TTN: variants seen among roughly 807,000 people sequenced by gnomAD.
TTN encodes the protein connectin.
Under a neutral mutation model 3,223.0 loss-of-function variants are expected in TTN, and 1,525 were observed. The ratio of observed to expected loss-of-function variants is 0.47; its 90% CI spans 0.45 to 0.49. TTN has a LOEUF of 0.49. TTN is among the 20% of genes least tolerant of loss of function. The probability of loss-of-function intolerance (pLI) is 0.00; values close to 1 mark genes in which losing one functional copy is unlikely to be tolerated. For synonymous variants in TTN, 14,094 were observed against 15,161.0 expected, an observed-to-expected ratio of 0.93 and a Z score of 5.17; for missense variants, 40,786 against 43,424.0, an observed-to-expected ratio of 0.94 and a Z score of 5.40.
chr2:178,721,925 C>T lies in TTN; in HGVS notation c.22738G>A (p.Gly7580Arg), dbSNP rs1215151938. Residue 7580 changes from glycine (G) to arginine (R), a missense_variant, in exon 78 of 363, where the codon GGA (glycine) becomes AGA (arginine). By Grantham distance (125) the Gly-to-Arg change is moderately radical. Transcript: ENST00000589042. Reference protein sequence around the residue: ...PHLRILKVGKGDSGQYTCQAT... With the variant: ...PHLRILKVGKRDSGQYTCQAT... ...TGGCAAGTATATTGACCAGAGTCTC[C>T]TTTGCCTACTTTAAGAATTCTCAAA... 1.2e-6 allele frequency: 2 copies of T among 1,613,450 alleles called. No individual in the cohort carries two copies. The highest frequency in any genetic ancestry group is 1.3e-5 in the African/African-American group (1 of 74,906).
intron 46 of TTN, among the ~76,000 whole-genome samples, chr2:178,755,818 T>C (rs1278039168): frequency 2.0e-5 from 3 of 152,184 alleles, no homozygotes; most frequent in Admixed American, 1.3e-4. Flanking sequence ...GAGATAAGAA[T>C]TGTTGAACCT....
In TTN at chr2:178,561,225, T is replaced by A. The variant is rs1314927590; in HGVS notation, c.84907A>T (p.Asn28303Tyr). 1 of 1,613,526 alleles carries A rather than the reference T, an allele frequency of 6.2e-7. No homozygotes were observed. The highest frequency in any genetic ancestry group is 1.3e-5 in the African/African-American group (1 of 74,922). Residue 28303 changes from asparagine (N) to tyrosine (Y), a missense_variant, in exon 326 of 363, where the codon AAT becomes TAT. Physicochemically the swap from Asn to Tyr is moderately radical, Grantham distance 143. Transcript: ENST00000589042. Reference protein sequence around the residue: ...ELPDGRWLKCNYTNIQETYFE... With the variant: ...ELPDGRWLKCYYTNIQETYFE... ...TATGTTTCTTGTATATTAGTATAAT[T>A]GCACTTCAGCCACCGGCCATCTGGT...
chr2:178,654,259 T>C lies in TTN; in HGVS notation c.38329A>G (p.Lys12777Glu). The C allele has an allele frequency of 1.9e-6, 3 of 1,600,326 alleles. No individual in the cohort carries two copies. The highest frequency in any genetic ancestry group is 2.5e-6 in the Non-Finnish European group (3 of 1,177,820). Reference sequence around the variant, plus strand: ...TTGGGCACAGCCACAGATACTTTCTTTTCAAGTACAACTTCTTTAGGAGCT... The same window carrying C: ...TTGGGCACAGCCACAGATACTTTCTCTTCAAGTACAACTTCTTTAGGAGCT... Reference protein sequence around the residue: ...PEAPKEVVLEKKVSVAVPKKP... With the variant: ...PEAPKEVVLEEKVSVAVPKKP... Residue 12777 changes from lysine (K) to glutamate (E), a missense_variant, in exon 193 of 363, where the codon AAG (lysine) becomes GAG (glutamate). Lys to Glu is a moderately conservative substitution (Grantham distance 56). Coordinates refer to ENST00000589042, the MANE Select transcript of TTN (RefSeq NM_001267550.2).
intron 4 of TTN, 105 bp downstream of exon 4, chr2:178,800,290 G>T: frequency 6.8e-7 from 1 of 1,461,212 alleles, no homozygotes; most frequent in Non-Finnish European, 9.4e-7. Flanking sequence ...TCAGCTCACA[G>T]CATTCTTCCC....
chr2:178,735,009 A>G, intron 50 of TTN, 21 bp from the exon 51 acceptor site: 1 of 1,510,816 alleles, frequency 6.6e-7, no homozygotes, highest in Non-Finnish European at 8.9e-7. Context: ...TTTACAAAAA[A>G]GAAAAAGGAG....
rs1348642526 is a variant in TTN at position 178,571,688 on chromosome 2, G to A, written c.74444C>T (p.Pro24815Leu). 2 of 1,613,416 alleles carry A rather than the reference G, an allele frequency of 1.2e-6. No homozygotes were observed. Among genetic ancestry groups the A allele is most frequent in the Admixed American group, 1.7e-5 (1 of 59,988 alleles). ...VLDKPGPPTG[P>L]VKMDEVTADS... The stretch of plus-strand genomic sequence containing the variant: ...AGCTGTCACTTCATCCATTTTAACT[G>A]GTCCAGTTGGAGGCCCTGGTTTGTC... The change falls in exon 326 of 363, where the codon CCA becomes CTA. Residue 24815 changes from proline (P) to leucine (L), a missense_variant. Transcript: ENST00000589042.
chr2:178,553,525 G>C lies in TTN; in HGVS notation c.89480C>G (p.Pro29827Arg). ...GQGEPIEMNE[P>R]VQAKDILEAP... ...ACCAAGTATATCTTTAGCTTGTACA[G>C]GTTCATTCATTTCTATAGGTTCTCC... Residue 29827 changes from proline to arginine, a missense_variant, in exon 334 of 363, where the codon CCT (proline) becomes CGT (arginine). Transcript: ENST00000589042. 1 of 1,613,132 alleles carries C rather than the reference G, an allele frequency of 6.2e-7. No homozygotes were observed. The highest frequency in any genetic ancestry group is 8.5e-7 in the Non-Finnish European group (1 of 1,179,448).
chr2:178,550,940 C>T (rs764492392), intron 336 of TTN, 27 bp downstream of exon 336: 2 of 1,604,142 alleles, frequency 1.2e-6, no homozygotes, highest in Non-Finnish European at 1.7e-6. Flanking sequence ...CTCTTAGTCT[C>T]ATTGGAAATA....
In TTN at chr2:178,602,448, G is replaced by T. The variant is rs951863461; in HGVS notation, c.54954C>A (p.Asp18318Glu). ...TGTCTGGTTCATTTACTCTTTTCCA[G>T]TCAGTAGTACCTTCTTCTTGCATTT... ...IVEMQEEGTT[D>E]WKRVNEPDKL... Residue 18318 changes from aspartate (D) to glutamate (E), a missense_variant, in exon 283 of 363, where the codon GAC becomes GAA. Coordinates refer to ENST00000589042, the MANE Select transcript of TTN (RefSeq NM_001267550.2). 2 of 1,612,352 alleles carry T rather than the reference G, an allele frequency of 1.2e-6. No homozygotes were observed. The highest frequency in any genetic ancestry group is 1.7e-6 in the Non-Finnish European group (2 of 1,179,184).
chr2:178,580,195 C>T lies in TTN; in HGVS notation c.67092G>A (p.Lys22364=). Residue 22364 remains lysine, a synonymous_variant, in exon 318 of 363, where the codon AAG becomes AAA. Coordinates refer to ENST00000589042, the MANE Select transcript of TTN (RefSeq NM_001267550.2). ...TPGPPVNVTV[K]EISKDSAYVT... ...CATAAGCAGAGTCTTTGGATATTTC[C>T]TTAACAGTCACATTGACAGGTGGCC... The T allele has an allele frequency of 6.2e-7, 1 of 1,612,980 alleles. No homozygotes were observed. The highest frequency in any genetic ancestry group is 8.5e-7 in the Non-Finnish European group (1 of 1,179,430).
chr2:178,625,498 GT>G, intron 240 of TTN, 102 bp from the exon 241 acceptor site: 3 of 1,330,610 alleles, frequency 2.3e-6, no homozygotes, highest in African/African-American at 3.0e-5. Context: ...TTTCCAAGTT[GT>G]TTTATAATCA....
rs755117644 is a variant in TTN, at chr2:178,568,093, T to G, written c.78039A>C (p.Glu26013Asp). ...SKDSMVIQWHEPVNNGGSPVI... is the reference protein window; with the variant it reads ...SKDSMVIQWHDPVNNGGSPVI... ...CGGGGCTTCCACCATTGTTGACTGG[T>G]TCATGCCACTGTATGACCATGGAGT... Residue 26013 changes from glutamate to aspartate, a missense_variant, in exon 326 of 363, where the codon GAA (glutamate) becomes GAC (aspartate). By Grantham distance (45) the Glu-to-Asp change is conservative. Coordinates refer to ENST00000589042, the MANE Select transcript of TTN (RefSeq NM_001267550.2). 75 of 1,613,346 alleles carry G rather than the reference T, an allele frequency of 4.6e-5. No homozygotes were observed. The highest frequency in any genetic ancestry group is 5.7e-5 in the Non-Finnish European group (67 of 1,179,614).
At position 178,614,144 on chromosome 2, in the gene TTN, T is replaced by C. The variant is rs757956453; in HGVS notation, c.49253A>G (p.Asn16418Ser). The change falls in exon 262 of 363, where the codon AAT becomes AGT. Residue 16418 changes from asparagine to serine, a missense_variant. By Grantham distance (46) the Asn-to-Ser change is conservative. Coordinates refer to ENST00000589042, the MANE Select transcript of TTN (RefSeq NM_001267550.2). ...AGCAACTCTGAAGATGTACTCTTTA[T>C]TGGGGATTAATTTGGTGGCCTTGAA... is the stretch of plus-strand genomic sequence containing the variant. Reference protein sequence around the residue: ...TNFKATKLIPNKEYIFRVAAE... With the variant: ...TNFKATKLIPSKEYIFRVAAE... The C allele has an allele frequency of 1.2e-6, 2 of 1,612,476 alleles. No individual in the cohort carries two copies. Among genetic ancestry groups the C allele is most frequent in the Non-Finnish European group, 8.5e-7 (1 of 1,179,222 alleles).
chr2:178,536,838 A>G, intron 356 of TTN, 100 bp downstream of exon 356: 1 of 1,156,120 alleles, frequency 8.6e-7, no homozygotes, highest in Non-Finnish European at 1.2e-6. Context: ...CTTTATCTGA[A>G]TCTTTGCTAT....
chr2:178,558,853 G>A, intron 326 of TTN: 30 of 514,692 alleles, frequency 5.8e-5, no homozygotes, highest in South Asian at 2.1e-4. Context: ...CCAAATTAAG[G>A]GTAAAATGAC....
In TTN at chr2:178,573,330, G is replaced by A. The variant is rs370474301; in HGVS notation, c.72802C>T (p.Arg24268Cys). The change falls in exon 326 of 363, where the codon CGC becomes TGC. Residue 24268 changes from arginine (R) to cysteine (C), a missense_variant. Physicochemically the swap from Arg to Cys is radical, Grantham distance 180 (BLOSUM62 -3). Coordinates refer to ENST00000589042, the MANE Select transcript of TTN (RefSeq NM_001267550.2). ...GTTTTTTTGTTGCATTTAATCCAGC[G>A]TTGGCCAGCTTTATCACGCCGTTCC... ...IVERRDKAGQRWIKCNKKTLT... is the reference protein window; with the variant it reads ...IVERRDKAGQCWIKCNKKTLT... 7.7e-5 allele frequency: 119 copies of A among 1,553,440 alleles called. No individual in the cohort carries two copies. The highest frequency in any genetic ancestry group is 2.3e-4 in the East Asian group (10 of 44,234).
rs1183682062 is a variant in TTN at position 178,717,658 on chromosome 2, A to T, written c.25216T>A (p.Leu8406Met). The T allele has an allele frequency of 6.2e-7, 1 of 1,613,488 alleles. No homozygotes were observed. Among genetic ancestry groups the T allele is most frequent in the Non-Finnish European group, 8.5e-7 (1 of 1,179,604 alleles). Residue 8406 changes from leucine (L) to methionine (M), a missense_variant, in exon 87 of 363, where the codon TTG becomes ATG. By Grantham distance (15) the Leu-to-Met change is conservative. Transcript: ENST00000589042. ...DGVLLKDDAN[L>M]QTSFVHNVAT... is the part of the protein sequence containing the mutation. ...ACATTATGAACAAAAGATGTCTGCA[A>T]ATTAGCATCATCTTTCAAAAGAACC... is the stretch of plus-strand genomic sequence containing the variant.
intron 361 of TTN, 114 bp downstream of exon 361, chr2:178,528,160 T>A: frequency 8.1e-7 from 1 of 1,229,238 alleles, no homozygotes; most frequent in East Asian, 2.4e-5. Context: ...TGGCTGTCCC[T>A]CTTTCACATG....
chr2:178,676,029 T>C lies in TTN; in HGVS notation c.34379-34A>G, dbSNP rs761685813. ...ACATCATTTCATGATAAGGATTTAT[T>C]TTGAAGGACAAAAAAAGAGAAACCA... On this transcript the variant is annotated intron_variant, in intron 147 of 362. Transcript: ENST00000589042. The C allele has an allele frequency of 2.3e-5, 36 of 1,559,076 alleles. No individual in the cohort carries two copies. The African/African-American group carries it at 4.8e-4, about 21-fold the overall frequency.
Sources: allele counts gnomAD v4.1 joint callset (sites outside exome capture counted in the v4.1 genomes callset), GRCh38; gene constraint gnomAD v4.1.1; transcripts MANE v1.5; gene names NCBI Gene and HGNC (gene_info 2026-07-23, HGNC 2026-07-21).